ZNF475: variants seen among roughly 807,000 people sequenced by gnomAD.
ZNF475 encodes the protein zinc finger protein 475.
the ZNF475 span, among the ~76,000 whole-genome samples, chr5:122,170,706 C>T: frequency 6.6e-6 from 1 of 152,178 alleles, no homozygotes. Flanking sequence ...TTATCTCAAT[C>T]CCCAGCCCCT....
the ZNF475 span, among the ~76,000 whole-genome samples, chr5:122,181,463 A>G: frequency 6.6e-6 from 1 of 152,216 alleles, no homozygotes; most frequent in Non-Finnish European, 1.5e-5. Context: ...ATAGACAGTG[A>G]CATTTGCTTT....
At chr5:122,161,379 G>T in the ZNF475 span, among the ~76,000 whole-genome samples, 3 of 152,172 alleles carry the variant, frequency 2.0e-5, no homozygotes, top group African/African-American at 4.8e-5. Context: ...GGTATCACTG[G>T]TCCCATGTTA....
At chr5:122,179,308 T>C in the ZNF475 span, among the ~76,000 whole-genome samples, 3 of 152,240 alleles carry the variant, frequency 2.0e-5, no homozygotes, top group Non-Finnish European at 4.4e-5. Flanking sequence ...GGGGATAGCA[T>C]TGAATCTATA....
the ZNF475 span, among the ~76,000 whole-genome samples, chr5:122,173,840 T>G: frequency 2.0e-5 from 3 of 152,202 alleles, no homozygotes; most frequent in Non-Finnish European, 4.4e-5. Flanking sequence ...GTGACTAACT[T>G]TTTGTAAAAA....
At chr5:122,181,175 C>T in the ZNF475 span, among the ~76,000 whole-genome samples, 1 of 152,278 alleles carries the variant, frequency 6.6e-6, no homozygotes, top group South Asian at 2.1e-4. Context: ...TTATTTATCT[C>T]TGAGGATGCC....
chr5:122,163,495 A>G, the ZNF475 span, among the ~76,000 whole-genome samples: 3 of 152,202 alleles, frequency 2.0e-5, no homozygotes, highest in African/African-American at 7.2e-5. Flanking sequence ...CCTGCATTCT[A>G]TGATATGCCC....
the ZNF475 span, chr5:122,179,575 C>T: frequency 2.0e-6 from 3 of 1,520,234 alleles, no homozygotes; most frequent in Non-Finnish European, 2.6e-6. Context: ...CGTCCACCAG[C>T]AGTTGTTTGC....
the ZNF475 span, among the ~76,000 whole-genome samples, chr5:122,169,213 T>C: frequency 6.6e-6 from 1 of 152,172 alleles, no homozygotes; most frequent in Non-Finnish European, 1.5e-5. Flanking sequence ...GGAGTTCTCC[T>C]CTCTCCTGTA....
chr5:122,161,300 A>G, the ZNF475 span, among the ~76,000 whole-genome samples: 44 of 152,356 alleles, frequency 2.9e-4, no homozygotes, highest in African/African-American at 1.0e-3. Context: ...CCATGGTCCC[A>G]TCTTTAAAGT....
the ZNF475 span, chr5:122,179,559 A>G: frequency 1.3e-6 from 2 of 1,505,970 alleles, no homozygotes; most frequent in Admixed American, 2.2e-5. Context: ...GCCAACAATG[A>G]TACGGCGTCC....
At chr5:122,169,630 A>T in the ZNF475 span, among the ~76,000 whole-genome samples, 1 of 152,144 alleles carries the variant, frequency 6.6e-6, no homozygotes. Context: ...AATTACTGAC[A>T]TCATATTAGA....
At chr5:122,182,555 G>T in the ZNF475 span, 1 of 1,534,864 alleles carries the variant, frequency 6.5e-7, no homozygotes, top group Non-Finnish European at 8.7e-7. Flanking sequence ...ACAGCCAGTT[G>T]GTTCCCTGTA....
chr5:122,179,718 A>C, the ZNF475 span: 1 of 1,518,172 alleles, frequency 6.6e-7, no homozygotes. Flanking sequence ...ACCAGAAGTC[A>C]GGACCATTAC....
At chr5:122,161,981 A>G in the ZNF475 span, among the ~76,000 whole-genome samples, 110 of 140,422 alleles carry the variant, frequency 7.8e-4, no homozygotes, top group Admixed American at 3.1e-3. Flanking sequence ...TGTGAAAATT[A>G]AAAAAAAAAA....
the ZNF475 span, among the ~76,000 whole-genome samples, chr5:122,165,109 A>G: frequency 6.6e-6 from 1 of 152,218 alleles, no homozygotes; most frequent in Non-Finnish European, 1.5e-5. Flanking sequence ...CTTCTGAGCA[A>G]CAACATCTGG....
chr5:122,163,917 C>T, the ZNF475 span, among the ~76,000 whole-genome samples: 3 of 151,964 alleles, frequency 2.0e-5, no homozygotes, highest in East Asian at 5.8e-4. Flanking sequence ...TCAAAAAGAG[C>T]AAGGAATCTT....
At chr5:122,178,387 C>A in the ZNF475 span, among the ~76,000 whole-genome samples, 1 of 152,240 alleles carries the variant, frequency 6.6e-6, no homozygotes, top group African/African-American at 2.4e-5. Flanking sequence ...CCTATTTCTC[C>A]ACATCCTCTC....
At chr5:122,171,498 T>C in the ZNF475 span, among the ~76,000 whole-genome samples, 2 of 152,206 alleles carry the variant, frequency 1.3e-5, 1 homozygote, top group South Asian at 4.1e-4. Context: ...AAAGTGAAAC[T>C]AATAATTTTG....
At chr5:122,165,685 A>G in the ZNF475 span, among the ~76,000 whole-genome samples, 1 of 151,964 alleles carries the variant, frequency 6.6e-6, no homozygotes, top group South Asian at 2.1e-4. Context: ...AAATGAACAC[A>G]GGGAATATGG....
Sources: allele counts gnomAD v4.1 joint callset (sites outside exome capture counted in the v4.1 genomes callset), GRCh38; gene constraint gnomAD v4.1.1; transcripts MANE v1.5; gene names NCBI Gene and HGNC (gene_info 2026-07-23, HGNC 2026-07-21).